The following MYO15A variants were observed in gnomAD, a reference collection of about 807,000 sequenced individuals.
MYO15A encodes the protein unconventional myosin-XV.
In MYO15A, 308 loss-of-function variants were observed where a neutral mutation model predicts 394.6. The observed-to-expected ratio is 0.78, with a 90% confidence interval of 0.71 to 0.86. MYO15A has a LOEUF of 0.86. MYO15A is among the 40% of genes least tolerant of loss of function. MYO15A has a pLI of 0.00. For synonymous variants in MYO15A, 1,957 were observed against 2,003.8 expected (o/e 0.98, Z 0.62); for missense variants, 4,606 against 4,799.1 (o/e 0.96, Z 1.19).
rs1343382307 is a variant in MYO15A at position 18,169,149 on chromosome 17, AATAATAAT to A, written c.10082+1428_10082+1435del. Among the ~76,000 whole-genome samples the A allele has an allele frequency of 3.1e-4, 44 of 140,180 alleles. 1 individual carries two copies. The highest frequency in any genetic ancestry group is 8.0e-4 in the Admixed American group (11 of 13,778). 92.0% of individuals were successfully genotyped at this position (140,180 alleles called of 152,430 possible). On this transcript the variant is annotated intron_variant, in intron 62 of 65. Coordinates refer to ENST00000647165, the MANE Select transcript of MYO15A (RefSeq NM_016239.4). ...TAATAATAATAATAATAATAATAAT[AATAATAAT>A]AAAAATAGGCTGGGCACAGTGGCTC...
rs2046510986 is a variant in MYO15A, at chr17:18,148,088, A to G, written c.6569A>G (p.Gln2190Arg). The G allele has an allele frequency of 1.2e-6, 2 of 1,613,958 alleles. No homozygotes were observed. The highest frequency in any genetic ancestry group is 2.2e-5 in the East Asian group (1 of 44,870). ...GCTGTGTGTCAGCACCGCCTCATGC[A>G]GGCCATGGGCCGGGCCCAACAGCAG... ...FQAVCQHRLM[Q>R]AMGRAQQQGS... is the part of the protein sequence containing the mutation. Residue 2190 changes from glutamine (Q) to arginine (R), a missense_variant, in exon 31 of 66, where the codon CAG (glutamine) becomes CGG (arginine). Physicochemically the swap from Gln to Arg is conservative, Grantham distance 43 (BLOSUM62 1). Transcript: ENST00000647165. This position sits in a 1 kb window ranked among gnomAD's most constrained non-coding sequence, Gnocchi z 4.8.
intron 2 of MYO15A, 98 bp downstream of exon 2, chr17:18,122,507 G>T: frequency 2.7e-6 from 4 of 1,489,650 alleles, no homozygotes; most frequent in Non-Finnish European, 3.6e-6. Context: ...CTTGGAGAGA[G>T]GCTGCTTGCT....
At chr17:18,176,903 A>C (rs1415520320) in intron 65 of MYO15A, 1 of 152,178 alleles carries the variant, frequency 6.6e-6, no homozygotes, top group East Asian at 1.9e-4. Flanking sequence ...CCCCATCAGA[A>C]TGTCAGCTCC....
At position 18,121,933 on chromosome 17, in the gene MYO15A, A is replaced by C. The variant is rs201826872; in HGVS notation, c.3133A>C (p.Thr1045Pro). 1,195 of 1,611,734 alleles carry C rather than the reference A, an allele frequency of 7.4e-4. 2 individuals are homozygous for C. Among genetic ancestry groups the C allele is most frequent in the Non-Finnish European group, 8.9e-4 (1,054 of 1,179,558 alleles). Residue 1045 changes from threonine to proline, a missense_variant, in exon 2 of 66, where the codon ACT (threonine) becomes CCT (proline). Transcript: ENST00000647165. This position sits in a 1 kb window ranked among gnomAD's most constrained non-coding sequence, Gnocchi z 5.3. ...PKDVTPPKDI[T>P]PPKDVLPEQK... Reference sequence around the variant, plus strand: ...GGATGTCACTCCCCCCAAGGATATCACTCCCCCCAAGGATGTCCTCCCAGA... The same window carrying C: ...GGATGTCACTCCCCCCAAGGATATCCCTCCCCCCAAGGATGTCCTCCCAGA...
rs376905344 is a variant in MYO15A at position 18,120,123 on chromosome 17, G to A, written c.1323G>A (p.Ala441=). ...DIAELEEPED[A]GVERQGTSFR... ...CCGAGCTGGAGGAACCAGAGGACGC[G>A]GGCGTAGAGCGTCAGGGGACCTCCT... Residue 441 remains alanine (A), a synonymous_variant, in exon 2 of 66, where the codon GCG becomes GCA. Coordinates refer to ENST00000647165, the MANE Select transcript of MYO15A (RefSeq NM_016239.4). The A allele has an allele frequency of 3.3e-5, 53 of 1,612,650 alleles. No homozygotes were observed. Among genetic ancestry groups the A allele is most frequent in the Non-Finnish European group, 4.3e-5 (51 of 1,179,754 alleles).
chr17:18,136,784 C>A, intron 15 of MYO15A, 98 bp downstream of exon 15: 1 of 1,477,352 alleles, frequency 6.8e-7, no homozygotes, highest in Non-Finnish European at 9.1e-7. Context: ...TCTGTGCCTG[C>A]AGCAGGTGCC....
intron 62 of MYO15A, chr17:18,169,508 A>G (rs993908864): frequency 1.1e-4 from 17 of 152,044 alleles, no homozygotes; most frequent in African/African-American, 4.1e-4. Flanking sequence ...ATGGTGGTGC[A>G]CGCCTGTAAC....
rs1249978218 is a variant in MYO15A at position 18,120,721 on chromosome 17, G to A, written c.1921G>A (p.Ala641Thr). ...AQPRARSSNDARRPPAPQPAP... is the reference protein window; with the variant it reads ...AQPRARSSNDTRRPPAPQPAP... ...GCCACGCGCTCGCAGCAGCAACGAC[G>A]CGCGCCGCCCGCCCGCGCCACAGCC... Residue 641 changes from alanine to threonine, a missense_variant, in exon 2 of 66, where the codon GCG becomes ACG. Coordinates refer to ENST00000647165, the MANE Select transcript of MYO15A (RefSeq NM_016239.4). 6.7e-7 allele frequency: 1 copy of A among 1,491,528 alleles called. No individual in the cohort carries two copies. Among genetic ancestry groups the A allele is most frequent in the Non-Finnish European group, 8.8e-7 (1 of 1,131,368 alleles). 92.4% of individuals were successfully genotyped at this position (1,491,528 alleles called of 1,614,324 possible).
chr17:18,111,963 C>A (rs1451716671), intron 1 of MYO15A, among the ~76,000 whole-genome samples: 1 of 152,214 alleles, frequency 6.6e-6, no homozygotes, highest in African/African-American at 2.4e-5. Context: ...GGCTCCACGT[C>A]CCCTGGGCTA....
chr17:18,113,797 GACACAC>G (rs4025536), intron 1 of MYO15A, among the ~76,000 whole-genome samples: 1,409 of 138,900 alleles, frequency 0.01, 24 homozygotes, highest in East Asian at 0.099. Context: ...CACCTCCCCT[GACACAC>G]ACACACACAC....
intron 1 of MYO15A, among the ~76,000 whole-genome samples, chr17:18,112,455 G>T (rs76222287): frequency 0.01 from 1,533 of 152,216 alleles, 19 homozygotes; most frequent in African/African-American, 0.035. Flanking sequence ...GATTGCAGTG[G>T]TGCAATCTTG....
At chr17:18,156,905 G>T in intron 48 of MYO15A, 49 bp from the exon 49 acceptor site, 1 of 1,528,576 alleles carries the variant, frequency 6.5e-7, no homozygotes, top group South Asian at 1.1e-5. Context: ...AGGCCTCTGG[G>T]AGTGGGGTGA....
chr17:18,125,094 A>G, intron 3 of MYO15A, 74 bp from the exon 4 acceptor site: 1 of 1,394,148 alleles, frequency 7.2e-7, no homozygotes. Context: ...AAGGCACTGC[A>G]CTGAGTTGGG....
At chr17:18,152,908 G>T (rs1207635133) in intron 42 of MYO15A, among the ~76,000 whole-genome samples, 1 of 152,176 alleles carries the variant, frequency 6.6e-6, no homozygotes, top group Non-Finnish European at 1.5e-5. Flanking sequence ...AGATTGCTAG[G>T]AGTGAAGGAC....
In MYO15A at chr17:18,121,613, G is replaced by GC; in HGVS notation, c.2816dup (p.Pro940ThrfsTer40). On this transcript the variant is annotated frameshift_variant, in exon 2 of 66. Transcript: ENST00000647165. LOFTEE classifies it high-confidence loss of function. This position sits in a 1 kb window ranked among gnomAD's most constrained non-coding sequence, Gnocchi z 5.3. ...GACGTGGACATGCCTCCCACCCAAC[G>GC]CCCACCCTCCCCCTGGCCAGGAGGT... The GC allele has an allele frequency of 4.3e-6, 5 of 1,162,346 alleles. No individual in the cohort carries two copies. Among genetic ancestry groups the GC allele is most frequent in the South Asian group, 1.3e-5 (1 of 79,168 alleles). The allele number at this position is 1,162,346 out of a possible 1,614,324, so 72.0% of individuals were successfully genotyped here. A position where few individuals can be genotyped will look rare whatever the true frequency, so the allele number is the denominator to read the frequency against.
chr17:18,157,923 G>A (rs1354310665), intron 51 of MYO15A, 23 bp downstream of exon 51: 3 of 1,450,060 alleles, frequency 2.1e-6, no homozygotes, highest in African/African-American at 1.4e-5. Flanking sequence ...TGGGTGGGGT[G>A]GGGCGGGGTA....
Position 18,117,724 on chromosome 17 carries a change from G to T in MYO15A, c.-219-858G>T, listed in dbSNP as rs2142232496. Among the ~76,000 whole-genome samples, 1 of 152,278 alleles carries T rather than the reference G, an allele frequency of 6.6e-6. No homozygotes were observed. The highest frequency in any genetic ancestry group is 3.4e-3 in the Middle Eastern group (1 of 294). Reference sequence around the variant, plus strand: ...CTTTGGACATGCAGCCTTAGGTCAGGCCATATGAAGCAATCAGCTATGCCC... The same window carrying T: ...CTTTGGACATGCAGCCTTAGGTCAGTCCATATGAAGCAATCAGCTATGCCC... On this transcript the variant is annotated intron_variant, in intron 1 of 65. Transcript: ENST00000647165. This position sits in a 1 kb window ranked among gnomAD's most constrained non-coding sequence, Gnocchi z 4.1.
In MYO15A at chr17:18,179,039, A is replaced by T; in HGVS notation, c.*169A>T. 1.4e-6 allele frequency: 1 copy of T among 690,940 alleles called. No homozygotes were observed. Among genetic ancestry groups the T allele is most frequent in the East Asian group, 2.7e-5 (1 of 36,830 alleles). The allele number at this position is 690,940 out of a possible 1,614,324, so 42.8% of individuals were successfully genotyped here. A position where few individuals can be genotyped will look rare whatever the true frequency, so the allele number is the denominator to read the frequency against. ...AATCCCCAAGAACACAAGAAGACCC[A>T]TCCTGAACTGGGATGGAATGGCAGC... On this transcript the variant is annotated 3_prime_UTR_variant, in exon 66 of 66. Transcript: ENST00000647165.
Position 18,119,880 on chromosome 17 carries a change from C to T in MYO15A, c.1080C>T (p.Tyr360=). ...CATACCCACCCTATGACCTCCCATA[C>T]CACACTCCCTACGATGTACCCTACT... ...DAPYPPYDLP[Y]HTPYDVPYFD... is the part of the protein sequence containing the mutation. Residue 360 remains tyrosine (Y), a synonymous_variant, in exon 2 of 66, where the codon TAC becomes TAT. Transcript: ENST00000647165. The T allele has an allele frequency of 6.2e-7, 1 of 1,613,240 alleles. No homozygotes were observed. The highest frequency in any genetic ancestry group is 2.2e-5 in the East Asian group (1 of 44,868).
Sources: allele counts gnomAD v4.1 joint callset (sites outside exome capture counted in the v4.1 genomes callset), GRCh38; gene constraint gnomAD v4.1.1; non-coding constraint Gnocchi (gnomAD v3.1); transcripts MANE v1.5; gene names NCBI Gene and HGNC (gene_info 2026-07-23, HGNC 2026-07-21).